Variants in SUGCT observed in about 807,000 individuals in gnomAD.
SUGCT encodes the protein succinyl-CoA:glutarate CoA-transferase.
Under a neutral mutation model 55.0 loss-of-function variants are expected in SUGCT, and 41 were observed. The ratio of observed to expected loss-of-function variants is 0.74; its 90% CI spans 0.58 to 0.97. The LOEUF is 0.97. SUGCT is among the 50% of genes least tolerant of loss of function. The probability of loss-of-function intolerance (pLI) is 0.00; values close to 1 mark genes in which losing one functional copy is unlikely to be tolerated. For missense variants in SUGCT, 568 were observed against 547.8 expected (o/e 1.04, Z -0.37); for synonymous variants, 187 against 200.4 (o/e 0.93, Z 0.56).
intron 13 of SUGCT, among the ~76,000 whole-genome samples, chr7:40,830,385 C>A (rs1192387345): frequency 6.6e-6 from 1 of 152,176 alleles, no homozygotes; most frequent in African/African-American, 2.4e-5. Context: ...CGTGCCCATA[C>A]TTTTTGCTCC....
chr7:40,268,779 C>T (rs942818683), intron 7 of SUGCT, among the ~76,000 whole-genome samples: 2 of 151,980 alleles, frequency 1.3e-5, no homozygotes, highest in African/African-American at 4.8e-5. Flanking sequence ...GTTGGGATTA[C>T]AGGCGTGCAC....
chr7:40,989,003 A>G, the SUGCT span, among the ~76,000 whole-genome samples: 13 of 151,684 alleles, frequency 8.6e-5, no homozygotes, highest in South Asian at 2.1e-3. Context: ...TTTTTTTTTC[A>G]GTGCAAATAA....
At chr7:40,435,940 CT>C (rs1788149592) in intron 9 of SUGCT, among the ~76,000 whole-genome samples, 1 of 122,680 alleles carries the variant, frequency 8.2e-6, no homozygotes. Context: ...CTTTTCTTTT[CT>C]TTTCTTTTTT....
chr7:40,579,055 A>G (rs1796933482), intron 12 of SUGCT, among the ~76,000 whole-genome samples: 1 of 152,172 alleles, frequency 6.6e-6, no homozygotes, highest in Admixed American at 6.5e-5. Context: ...GAACAACAAC[A>G]ATAATGACAA....
chr7:40,524,275 C>T (rs1225217022), intron 12 of SUGCT, among the ~76,000 whole-genome samples: 1 of 151,978 alleles, frequency 6.6e-6, no homozygotes, highest in African/African-American at 2.4e-5. Context: ...AATAATTTCC[C>T]AAATGTTTTG....
chr7:40,367,742 G>A (rs1784075828), intron 9 of SUGCT, among the ~76,000 whole-genome samples: 1 of 151,990 alleles, frequency 6.6e-6, no homozygotes, highest in African/African-American at 2.4e-5. Context: ...CTGCCCGACC[G>A]TGGTCTGTTA....
At chr7:40,380,273 T>C (rs973422945) in intron 9 of SUGCT, among the ~76,000 whole-genome samples, 4 of 152,198 alleles carry the variant, frequency 2.6e-5, no homozygotes, top group Non-Finnish European at 5.9e-5. Context: ...CAAGTTAAAA[T>C]GCCATAAACT....
chr7:40,729,175 T>TTA (rs1172911509), intron 12 of SUGCT, among the ~76,000 whole-genome samples: 7 of 152,294 alleles, frequency 4.6e-5, no homozygotes, highest in African/African-American at 1.7e-4. Flanking sequence ...CAAACCAAAT[T>TTA]TATTAGTGCT....
intron 12 of SUGCT, among the ~76,000 whole-genome samples, chr7:40,610,480 T>G (rs1286796792): frequency 6.6e-6 from 1 of 152,184 alleles, no homozygotes; most frequent in African/African-American, 2.4e-5. Flanking sequence ...TGTCTATTAG[T>G]GAGTGATAAA....
intron 9 of SUGCT, among the ~76,000 whole-genome samples, chr7:40,445,287 T>C (rs1038892993): frequency 6.6e-6 from 1 of 151,998 alleles, no homozygotes; most frequent in Non-Finnish European, 1.5e-5. Flanking sequence ...AAGAATCAAA[T>C]AGACGCAATA....
intron 12 of SUGCT, among the ~76,000 whole-genome samples, chr7:40,541,881 T>C (rs185430601): frequency 3.1e-3 from 478 of 152,298 alleles, no homozygotes; most frequent in Non-Finnish European, 5.6e-3. Context: ...GAGTTTAGGA[T>C]ATATTTCATG....
chr7:40,581,821 A>G (rs746483031), intron 12 of SUGCT, among the ~76,000 whole-genome samples: 6 of 152,210 alleles, frequency 3.9e-5, no homozygotes, highest in Non-Finnish European at 8.8e-5. Context: ...GTCCACCTGG[A>G]AAGTGACCAG....
At chr7:40,944,449 A>AT in the SUGCT span, among the ~76,000 whole-genome samples, 1 of 151,562 alleles carries the variant, frequency 6.6e-6, no homozygotes, top group African/African-American at 2.4e-5. Flanking sequence ...TCTTGAATTA[A>AT]TTTTTGTATA....
rs913463887 is a variant in SUGCT at position 40,796,556 on chromosome 7, G to A, written c.1153+47059G>A. On this transcript the variant is annotated intron_variant, in intron 13 of 13. Coordinates refer to ENST00000335693, the MANE Select transcript of SUGCT (RefSeq NM_001193313.2). ...CCATATATGATTGTATTATCACATC[G>A]GGACCCCGAAAGCTAGGAGGCAGCT... Among the ~76,000 whole-genome samples, 4 of 152,080 alleles carry A rather than the reference G, an allele frequency of 2.6e-5. No individual in the cohort carries two copies. The East Asian group carries it at 5.8e-4, about 22-fold the overall frequency.
At chr7:40,756,103 C>T (rs1361057869) in intron 13 of SUGCT, among the ~76,000 whole-genome samples, 1 of 152,094 alleles carries the variant, frequency 6.6e-6, no homozygotes, top group Non-Finnish European at 1.5e-5. Flanking sequence ...TTATCGGACA[C>T]ATTATATTTC....
chr7:40,641,896 G>A (rs990797104), intron 12 of SUGCT, among the ~76,000 whole-genome samples: 1 of 152,122 alleles, frequency 6.6e-6, no homozygotes, highest in African/African-American at 2.4e-5. Flanking sequence ...TTAAACGTGA[G>A]CCAGTTATAC....
intron 11 of SUGCT, among the ~76,000 whole-genome samples, chr7:40,477,349 T>A (rs1238123243): frequency 1.3e-5 from 2 of 152,110 alleles, no homozygotes; most frequent in Non-Finnish European, 2.9e-5. Flanking sequence ...ACTGGGGAGT[T>A]GGAGTCTTAT....
intron 1 of SUGCT, among the ~76,000 whole-genome samples, chr7:40,159,212 G>A (rs958143427): frequency 2.0e-5 from 3 of 152,146 alleles, no homozygotes; most frequent in Non-Finnish European, 2.9e-5. Context: ...GAGCCACCAC[G>A]CCTGGCCAGA....
At chr7:40,313,192 T>G (rs1204753884) in intron 8 of SUGCT, among the ~76,000 whole-genome samples, 1 of 152,188 alleles carries the variant, frequency 6.6e-6, no homozygotes, top group African/African-American at 2.4e-5. Context: ...CTTTTTTGTT[T>G]AGATGAAACC....
Sources: gnomAD v4.1 joint callset for allele counts (sites outside exome capture counted in the v4.1 genomes callset) on GRCh38, gnomAD v4.1.1 for gene constraint, MANE v1.5 for transcripts, NCBI Gene and HGNC (gene_info 2026-07-23, HGNC 2026-07-21) for gene names.